MIB1: variants seen among roughly 807,000 people sequenced by gnomAD.
The protein encoded by MIB1 is MIB E3 ubiquitin protein ligase 1.
Under a neutral mutation model 124.5 loss-of-function variants are expected in MIB1, and 278 were observed. The observed-to-expected ratio is 2.23, with a 90% CI of 2.02 to 2.47. The LOEUF (loss-of-function observed/expected upper bound fraction) is 2.47. Among genes scored for constraint, MIB1 ranks in the 30% most tolerant of loss-of-function variants. MIB1 has a pLI of 0.00. For missense variants in MIB1, 957 were observed against 1,254.4 expected (o/e 0.76, Z 3.58); for synonymous variants, 446 against 429.4 (o/e 1.04, Z -0.48).
chr18:21,854,006 C>G (rs1598643693), intron 18 of MIB1, among the ~76,000 whole-genome samples: 1 of 65,078 alleles, frequency 1.5e-5, no homozygotes, highest in Non-Finnish European at 2.8e-5. Context: ...GACTGAGACT[C>G]AGTCTTAAAA....
Position 21,825,648 on chromosome 18 carries a change from T to G in MIB1, c.1829+6002T>G, listed in dbSNP as rs2041917677. The stretch of plus-strand genomic sequence containing the variant: ...ATAATGTAAATAAGTTGAAATTAGT[T>G]GGCAAGTAATTGATATTCACAAATG... On this transcript the variant is annotated intron_variant, in intron 12 of 20. Coordinates refer to ENST00000261537, the MANE Select transcript of MIB1 (RefSeq NM_020774.4). 9.8e-6 allele frequency: 5 copies of G among 509,032 alleles called. No homozygotes were observed. In the Admixed American group the frequency reaches 1.0e-4, roughly 10 times the overall value. 31.5% of individuals were successfully genotyped at this position (509,032 alleles called of 1,614,324 possible).
rs2041150062 is a variant in MIB1 at position 21,765,771 on chromosome 18, G to A, written c.230-1G>A. On this transcript the variant is annotated splice_acceptor_variant, in intron 1 of 20. Transcript: ENST00000261537. LOFTEE classifies it high-confidence loss of function. The stretch of plus-strand genomic sequence containing the variant: ...CTGAGCATGTGTCCTTGTTTTAATA[G>A]GCATCAAGCATGATGGAACCATGTG... 2 of 1,611,720 alleles carry A rather than the reference G, an allele frequency of 1.2e-6. No individual in the cohort carries two copies. Among genetic ancestry groups the A allele is most frequent in the Non-Finnish European group, 8.5e-7 (1 of 1,178,678 alleles).
At chr18:21,774,756 G>A (rs2041261350) in intron 4 of MIB1, among the ~76,000 whole-genome samples, 2 of 151,684 alleles carry the variant, frequency 1.3e-5, no homozygotes, top group African/African-American at 4.8e-5. Flanking sequence ...GTTAGGAATG[G>A]AGGAAGTATC....
Position 21,709,309 on chromosome 18 carries a change from C to CAA in MIB1, n.167+4186_167+4187insAA, listed in dbSNP as rs371536157. 0.035 allele frequency among the ~76,000 whole-genome samples: 1,084 copies of CAA among 31,360 alleles called. 17 individuals carry two copies. In the African/African-American group the frequency reaches 0.4, roughly 11 times the overall value. The allele number at this position is 31,360 out of a possible 152,430, so 20.6% of individuals were successfully genotyped here. ...CTACGGCCTGGGCGAAAGAGCGAGA[C>CAA]TGTCTCAAAAAAAAAAAAAAAAAAA... On this transcript the variant is annotated intron_variant and non_coding_transcript_variant, in intron 1 of 20. Transcript: ENST00000578646.
intron 8 of MIB1, among the ~76,000 whole-genome samples, 194 bp downstream of exon 8, chr18:21,798,422 C>G (rs1033547819): frequency 3.3e-5 from 5 of 152,002 alleles, no homozygotes; most frequent in Non-Finnish European, 5.9e-5. Context: ...GTTGAACAAC[C>G]TTTATTCTGG....
rs996448544 is a variant in MIB1 at position 21,741,016 on chromosome 18, GC to G, written c.-567del. On this transcript the variant is annotated 5_prime_UTR_variant, in exon 1 of 21. An upstream open reading frame in the 5' UTR gains an earlier in-frame stop. Transcript: ENST00000261537. The surrounding 1 kb of genome is among the most constrained non-coding windows in gnomAD (Gnocchi z 5.4). The stretch of plus-strand genomic sequence containing the variant: ...GCGGAGCGCGGCGGCTGGTGCGGGG[GC>G]AGAGAGAAGGGGGCCTGAGGGCCCG... Among the ~76,000 whole-genome samples, 1 of 151,622 alleles carries G rather than the reference GC, an allele frequency of 6.6e-6. No individual in the cohort carries two copies. The highest frequency in any genetic ancestry group is 2.4e-5 in the African/African-American group (1 of 41,286).
At position 21,716,851 on chromosome 18, in the gene MIB1, C is replaced by CA. The variant is rs1219849410; in HGVS notation, n.167+11738dup. ...TGGGGGACAGAGTGAGACTCTATCT[C>CA]AAAAAAAAAAGCTCCACTTAAAGGA... On this transcript the variant is annotated intron_variant and non_coding_transcript_variant, in intron 1 of 20. Transcript: ENST00000578646. Among the ~76,000 whole-genome samples the CA allele has an allele frequency of 1.1e-3, 153 of 144,260 alleles. 1 individual carries two copies. The highest frequency in any genetic ancestry group is 2.7e-3 in the African/African-American group (105 of 39,332). 94.6% of individuals were successfully genotyped at this position (144,260 alleles called of 152,430 possible).
chr18:21,782,523 G>A (rs1000366938), intron 6 of MIB1, among the ~76,000 whole-genome samples: 1 of 152,018 alleles, frequency 6.6e-6, no homozygotes, highest in Non-Finnish European at 1.5e-5. Flanking sequence ...ATTTTCATTT[G>A]TTTCAAGAAA....
intron 12 of MIB1, chr18:21,826,064 G>C (rs1426109034): frequency 8.8e-6 from 2 of 226,570 alleles, no homozygotes; most frequent in Admixed American, 5.5e-5. Flanking sequence ...CACAGCCGAA[G>C]TCTTTGCTTA....
chr18:21,796,735 C>T (rs1410875963), intron 7 of MIB1, among the ~76,000 whole-genome samples: 7 of 152,098 alleles, frequency 4.6e-5, no homozygotes. Flanking sequence ...ATGGCTAATT[C>T]TGACTCTTTG....
At chr18:21,768,889 T>C in intron 3 of MIB1, 137 bp downstream of exon 3, 2 of 726,432 alleles carry the variant, frequency 2.8e-6, no homozygotes, top group Non-Finnish European at 3.9e-6. Context: ...ATTTCTTTTT[T>C]CTCTGGAAGT....
Position 21,779,649 on chromosome 18 carries a change from A to C in MIB1, c.872A>C (p.Asp291Ala), listed in dbSNP as rs2041335016. The stretch of plus-strand genomic sequence containing the variant: ...GGAACTGTTTGTGGCATTGATGAAG[A>C]TCATGACATTGTAGTACAGTATCCA... The part of the protein sequence containing the change: ...TTGTVCGIDE[D>A]HDIVVQYPSG... Residue 291 changes from aspartate to alanine, a missense_variant, in exon 6 of 21, where the codon GAT (aspartate) becomes GCT (alanine). By Grantham distance (126) the Asp-to-Ala change is moderately radical. Coordinates refer to ENST00000261537, the MANE Select transcript of MIB1 (RefSeq NM_020774.4). 4 of 1,614,148 alleles carry C rather than the reference A, an allele frequency of 2.5e-6. No homozygotes were observed. The highest frequency in any genetic ancestry group is 3.4e-6 in the Non-Finnish European group (4 of 1,179,984).
chr18:21,845,639 T>G (rs1457202536), intron 15 of MIB1, among the ~76,000 whole-genome samples: 1 of 152,180 alleles, frequency 6.6e-6, no homozygotes, highest in African/African-American at 2.4e-5. Context: ...TTTTCTTTTT[T>G]TTGAGACAGA....
chr18:21,827,966 A>G (rs2146488489), intron 12 of MIB1: 1 of 152,044 alleles, frequency 6.6e-6, no homozygotes, highest in East Asian at 1.9e-4. Flanking sequence ...TATTACTCTT[A>G]TTTTCTAACT....
At position 21,849,226 on chromosome 18, in the gene MIB1, G is replaced by C. The variant is rs1403308835; in HGVS notation, c.2424G>C (p.Met808Ile). Residue 808 changes from methionine to isoleucine, a missense_variant, in exon 17 of 21, where the codon ATG becomes ATC. Met to Ile is a conservative substitution (Grantham distance 10). Transcript: ENST00000261537. ...AAGTGGGTTCTCGGAGTCCTTCTAT[G>C]ATTAGTAATGATTCTGAAACCTTAG... ...SGQVGSRSPS[M>I]ISNDSETLEE... is the part of the protein sequence containing the mutation. 10 of 1,595,230 alleles carry C rather than the reference G, an allele frequency of 6.3e-6. No individual in the cohort carries two copies. The highest frequency in any genetic ancestry group is 7.7e-6 in the Non-Finnish European group (9 of 1,171,962).
At chr18:21,731,442 A>C (rs913440108) in intron 1 of MIB1, among the ~76,000 whole-genome samples, 10 of 152,184 alleles carry the variant, frequency 6.6e-5, no homozygotes, top group Non-Finnish European at 1.2e-4. Flanking sequence ...CAACTACTAC[A>C]AATAAAGCTG....
intron 13 of MIB1, among the ~76,000 whole-genome samples, chr18:21,839,543 C>CG (rs1464680427): frequency 6.6e-6 from 1 of 152,198 alleles, no homozygotes. Context: ...CTCACTCTGT[C>CG]ACCCAGGCTG....
At chr18:21,722,045 C>G (rs984955706) in intron 1 of MIB1, among the ~76,000 whole-genome samples, 1 of 151,490 alleles carries the variant, frequency 6.6e-6, no homozygotes, top group African/African-American at 2.4e-5. Flanking sequence ...GCTTCTTAAT[C>G]TTTCCGTGTG....
At chr18:21,788,913 G>A (rs982613585) in intron 6 of MIB1, among the ~76,000 whole-genome samples, 3 of 152,168 alleles carry the variant, frequency 2.0e-5, no homozygotes, top group South Asian at 2.1e-4. Context: ...CCAAGGAGAT[G>A]CAAGACTTGT....
Sources: allele counts gnomAD v4.1 joint callset (sites outside exome capture counted in the v4.1 genomes callset), GRCh38; gene constraint gnomAD v4.1.1; non-coding constraint Gnocchi (gnomAD v3.1); transcripts MANE v1.5; gene names NCBI Gene and HGNC (gene_info 2026-07-23, HGNC 2026-07-21).